The following GPR39 variants were observed in gnomAD, a reference collection of about 807,000 sequenced individuals.
The protein encoded by GPR39 is zinc sensing receptor.
A neutral mutation model predicts 18.4 loss-of-function variants in GPR39; 23 were observed. The observed-to-expected ratio is 1.25, with a 90% CI of 0.90 to 1.77. The LOEUF (loss-of-function observed/expected upper bound fraction) is 1.77, where lower values mean the gene tolerates loss of function less well. Among genes scored for constraint, GPR39 ranks in the 40% most tolerant of loss-of-function variants. GPR39 has a pLI of 0.00. For synonymous variants in GPR39, 280 were observed against 257.9 expected (o/e 1.09, Z -0.82); for missense variants, 647 against 602.4 (o/e 1.07, Z -0.78).
chr2:132,429,857 T>A (rs1160363346), intron 1 of GPR39, among the ~76,000 whole-genome samples: 1 of 152,250 alleles, frequency 6.6e-6, no homozygotes, highest in East Asian at 1.9e-4. Flanking sequence ...GAACTCTGCA[T>A]GTCCAGAAAG....
At chr2:132,472,444 G>A (rs1681048734) in intron 1 of GPR39, among the ~76,000 whole-genome samples, 1 of 152,136 alleles carries the variant, frequency 6.6e-6, no homozygotes, top group Admixed American at 6.5e-5. Context: ...GTGGATGACT[G>A]AGTGTCTGCC....
At chr2:132,575,322 TG>T (rs1217882284) in intron 1 of GPR39, among the ~76,000 whole-genome samples, 1 of 152,250 alleles carries the variant, frequency 6.6e-6, no homozygotes, top group Admixed American at 6.5e-5. Flanking sequence ...TGTTTTCTTT[TG>T]TGTTTAAACT....
chr2:132,452,555 G>C (rs1258505777), intron 1 of GPR39, among the ~76,000 whole-genome samples: 1 of 151,914 alleles, frequency 6.6e-6, no homozygotes, highest in African/African-American at 2.4e-5. Context: ...GTATACATGT[G>C]CCATGTTGGT....
intron 1 of GPR39, among the ~76,000 whole-genome samples, chr2:132,430,073 T>C (rs553591546): frequency 6.6e-6 from 1 of 152,300 alleles, no homozygotes; most frequent in South Asian, 2.1e-4. Context: ...GATGTGGCCA[T>C]GTGGCCAAGG....
At chr2:132,429,140 A>G (rs1348629231) in intron 1 of GPR39, among the ~76,000 whole-genome samples, 1 of 152,220 alleles carries the variant, frequency 6.6e-6, no homozygotes, top group Non-Finnish European at 1.5e-5. Flanking sequence ...TAGTATCATT[A>G]GCATGAAGGT....
At chr2:132,479,296 C>T (rs955900756) in intron 1 of GPR39, among the ~76,000 whole-genome samples, 9 of 152,248 alleles carry the variant, frequency 5.9e-5, no homozygotes, top group Admixed American at 1.3e-4. Flanking sequence ...GAAAATGTGA[C>T]GCATATGGTA....
At chr2:132,618,805 G>A (rs919759210) in intron 1 of GPR39, among the ~76,000 whole-genome samples, 1 of 152,218 alleles carries the variant, frequency 6.6e-6, no homozygotes, top group African/African-American at 2.4e-5. Flanking sequence ...TTAATGCCAG[G>A]CTGCTGGCCT....
intron 1 of GPR39, among the ~76,000 whole-genome samples, chr2:132,428,727 T>C (rs992765809): frequency 2.0e-5 from 3 of 152,316 alleles, no homozygotes; most frequent in African/African-American, 7.2e-5. Context: ...TTAATGTCAA[T>C]ACTAGAAAAG....
At chr2:132,433,156 CAT>C (rs1558797343) in intron 1 of GPR39, among the ~76,000 whole-genome samples, 2 of 152,110 alleles carry the variant, frequency 1.3e-5, no homozygotes, top group Admixed American at 6.5e-5. Context: ...TATTTACTAT[CAT>C]AAAATATACA....
chr2:132,462,286 A>G (rs978384401), intron 1 of GPR39, among the ~76,000 whole-genome samples: 9 of 152,230 alleles, frequency 5.9e-5, no homozygotes, highest in South Asian at 2.1e-4. Flanking sequence ...GCCTTGTAGT[A>G]TCAAGAGGTT....
intron 1 of GPR39, among the ~76,000 whole-genome samples, chr2:132,441,229 CA>C (rs1196433014): frequency 1.3e-5 from 2 of 152,254 alleles, no homozygotes; most frequent in East Asian, 3.9e-4. Flanking sequence ...GATGCATATA[CA>C]AACAAGTGGG....
At chr2:132,502,770 ATTCT>A (rs991297353) in intron 1 of GPR39, among the ~76,000 whole-genome samples, 1 of 152,240 alleles carries the variant, frequency 6.6e-6, no homozygotes, top group Non-Finnish European at 1.5e-5. Context: ...ATTTTAAAAA[ATTCT>A]TTCTTTGTCT....
At chr2:132,441,003 G>C (rs1014414460) in intron 1 of GPR39, among the ~76,000 whole-genome samples, 2 of 152,202 alleles carry the variant, frequency 1.3e-5, no homozygotes, top group Admixed American at 6.5e-5. Context: ...AAAGGTCTCA[G>C]CCAAGAGAAA....
chr2:132,476,901 T>G (rs904899082), intron 1 of GPR39, among the ~76,000 whole-genome samples: 7 of 152,080 alleles, frequency 4.6e-5, no homozygotes, highest in African/African-American at 1.7e-4. Context: ...ACAGAGGCAC[T>G]CCTCTGTGTA....
chr2:132,601,451 A>G (rs555077176), intron 1 of GPR39, among the ~76,000 whole-genome samples: 1 of 152,312 alleles, frequency 6.6e-6, no homozygotes, highest in South Asian at 2.1e-4. Context: ...TTAGGTATAG[A>G]AGAAACATAC....
chr2:132,602,778 A>G (rs1346267409), intron 1 of GPR39, among the ~76,000 whole-genome samples: 1 of 151,910 alleles, frequency 6.6e-6, no homozygotes, highest in Non-Finnish European at 1.5e-5. Flanking sequence ...CAATAAGTAT[A>G]TGAAAAAAAT....
At chr2:132,569,146 C>G (rs906260744) in intron 1 of GPR39, among the ~76,000 whole-genome samples, 3 of 152,034 alleles carry the variant, frequency 2.0e-5, no homozygotes, top group Admixed American at 6.6e-5. Flanking sequence ...AACTTTTACA[C>G]TTTTTGGTAT....
At chr2:132,637,857 T>C (rs1173147033) in intron 1 of GPR39, among the ~76,000 whole-genome samples, 3 of 152,134 alleles carry the variant, frequency 2.0e-5, no homozygotes, top group Non-Finnish European at 4.4e-5. Context: ...CCCTGTTAGC[T>C]ATTAAGGAAC....
chr2:132,462,385 G>A (rs559156024), intron 1 of GPR39, among the ~76,000 whole-genome samples: 29 of 152,120 alleles, frequency 1.9e-4, no homozygotes, highest in African/African-American at 6.8e-4. Context: ...TACTTCTCAG[G>A]GGTAAACTGT....
Sources: gnomAD v4.1 joint callset for allele counts (sites outside exome capture counted in the v4.1 genomes callset) on GRCh38, gnomAD v4.1.1 for gene constraint, MANE v1.5 for transcripts, NCBI Gene and HGNC (gene_info 2026-07-23, HGNC 2026-07-21) for gene names.